SPMIP8: variants seen among roughly 807,000 people sequenced by gnomAD.
SPMIP8 encodes testicular tissue protein Li 196.
At chr16:57,977,628 T>C in the SPMIP8 span, among the ~76,000 whole-genome samples, 1 of 150,936 alleles carries the variant, frequency 6.6e-6, no homozygotes, top group South Asian at 2.1e-4. Flanking sequence ...GTCTCTGTTA[T>C]CTTCTGTTAT....
At chr16:57,986,547 T>C in the SPMIP8 span, 1 of 152,082 alleles carries the variant, frequency 6.6e-6, no homozygotes, top group East Asian at 1.9e-4. Context: ...AGCGCCTAGA[T>C]GGCCCTTCCT....
chr16:57,985,781 G>A, the SPMIP8 span: 1 of 1,312,706 alleles, frequency 7.6e-7, no homozygotes, highest in Admixed American at 3.0e-5. Context: ...CGTTCGCATT[G>A]GGTGAAGGCG....
At chr16:57,976,660 C>T in the SPMIP8 span, 1 of 1,610,828 alleles carries the variant, frequency 6.2e-7, no homozygotes, top group South Asian at 1.1e-5. Flanking sequence ...GGAGCCCTTG[C>T]TCTCTTCCCC....
chr16:57,978,053 T>A, the SPMIP8 span: 5 of 1,606,868 alleles, frequency 3.1e-6, no homozygotes, highest in Non-Finnish European at 4.3e-6. Flanking sequence ...AGGACACCAG[T>A]GTAGGATCCC....
the SPMIP8 span, among the ~76,000 whole-genome samples, chr16:57,978,978 A>T: frequency 4.6e-5 from 7 of 152,176 alleles, no homozygotes; most frequent in Non-Finnish European, 8.8e-5. Context: ...AGGAGTCATA[A>T]CAGTAGTAAC....
At chr16:57,985,303 G>C in the SPMIP8 span, 1 of 1,557,444 alleles carries the variant, frequency 6.4e-7, no homozygotes, top group South Asian at 1.2e-5. Context: ...TCCCTGAGCG[G>C]GGAGCGGGGG....
chr16:57,984,389 G>T, the SPMIP8 span: 1 of 1,613,886 alleles, frequency 6.2e-7, no homozygotes, highest in Admixed American at 1.7e-5. Flanking sequence ...CCCTGCCCTT[G>T]GGTTTGCTAA....
chr16:57,979,604 T>C, the SPMIP8 span, among the ~76,000 whole-genome samples: 1 of 152,176 alleles, frequency 6.6e-6, no homozygotes, highest in Non-Finnish European at 1.5e-5. Context: ...CAAAATGCTA[T>C]AACAATATGC....
At chr16:57,984,640 T>C in the SPMIP8 span, 2 of 1,578,734 alleles carry the variant, frequency 1.3e-6, no homozygotes, top group African/African-American at 1.3e-5. Flanking sequence ...TGTCAGGACA[T>C]CACCGCCACA....
At chr16:57,977,442 A>G in the SPMIP8 span, among the ~76,000 whole-genome samples, 4 of 151,396 alleles carry the variant, frequency 2.6e-5, no homozygotes, top group East Asian at 7.7e-4. Flanking sequence ...AAGAAAGAAA[A>G]AAAAACGAAT....
the SPMIP8 span, among the ~76,000 whole-genome samples, chr16:57,979,037 C>T: frequency 6.6e-6 from 1 of 152,212 alleles, no homozygotes; most frequent in Admixed American, 6.5e-5. Flanking sequence ...AAGACCTCTC[C>T]TCACAGCCCC....
chr16:57,981,507 T>TA, the SPMIP8 span, among the ~76,000 whole-genome samples: 1 of 14,706 alleles, frequency 6.8e-5, no homozygotes, highest in East Asian at 8.9e-4. Context: ...TTCTCTTTTT[T>TA]TTTTTTTTTT....
chr16:57,987,222 G>A, the SPMIP8 span: 4 of 549,014 alleles, frequency 7.3e-6, no homozygotes, highest in East Asian at 1.0e-4. Context: ...AGGGAGGTTA[G>A]CTTGAAAGCT....
chr16:57,986,041 AGCGAGGCCTG>A, the SPMIP8 span: 57 of 1,444,286 alleles, frequency 3.9e-5, 1 homozygote, highest in African/African-American at 6.7e-4. Context: ...CCCCTGCCCC[AGCGAGGCCTG>A]GCGAGGAGGA....
At chr16:57,978,593 T>G in the SPMIP8 span, among the ~76,000 whole-genome samples, 2 of 151,978 alleles carry the variant, frequency 1.3e-5, no homozygotes, top group Non-Finnish European at 2.9e-5. Flanking sequence ...GCTCAAAAAG[T>G]ATTGCTGATG....
chr16:57,979,754 G>A, the SPMIP8 span, among the ~76,000 whole-genome samples: 2 of 152,000 alleles, frequency 1.3e-5, no homozygotes, highest in African/African-American at 4.8e-5. Context: ...TTTTATTACT[G>A]TTAACTGAAA....
chr16:57,979,284 C>T, the SPMIP8 span, among the ~76,000 whole-genome samples: 18 of 152,100 alleles, frequency 1.2e-4, no homozygotes, highest in East Asian at 1.9e-4. Flanking sequence ...AGAGACCGCA[C>T]GGAGATTACC....
the SPMIP8 span, among the ~76,000 whole-genome samples, chr16:57,978,199 G>A: frequency 6.6e-6 from 1 of 152,220 alleles, no homozygotes; most frequent in Non-Finnish European, 1.5e-5. Context: ...TCAGTACAAT[G>A]AGGATAATTG....
At chr16:57,978,060 T>C in the SPMIP8 span, 1 of 1,603,758 alleles carries the variant, frequency 6.2e-7, no homozygotes, top group Non-Finnish European at 8.5e-7. Flanking sequence ...CAGTGTAGGA[T>C]CCCCTTTGGG....
Sources: gnomAD v4.1 joint callset for allele counts (sites outside exome capture counted in the v4.1 genomes callset) on GRCh38, gnomAD v4.1.1 for gene constraint, MANE v1.5 for transcripts, NCBI Gene and HGNC (gene_info 2026-07-23, HGNC 2026-07-21) for gene names.